VAC14: variants seen among roughly 807,000 people sequenced by gnomAD.
VAC14 encodes the protein VAC14 component of PIKFYVE complex.
In VAC14, 47 loss-of-function variants were observed where a neutral mutation model predicts 85.3. The observed-to-expected ratio is 0.55, with a 90% CI of 0.44 to 0.70. The LOEUF is 0.70. Ranked by LOEUF, VAC14 falls within the 30% of genes least tolerant of loss-of-function variation. VAC14 has a pLI of 0.00. For synonymous variants in VAC14, 447 were observed against 430.5 expected, an observed-to-expected ratio of 1.04 and a Z score of -0.47; for missense variants, 861 against 1,004.3, an observed-to-expected ratio of 0.86 and a Z score of 1.93.
chr16:70,741,112 A>G (rs1597916280), intron 13 of VAC14, among the ~76,000 whole-genome samples: 1 of 152,272 alleles, frequency 6.6e-6, no homozygotes, highest in East Asian at 1.9e-4. Flanking sequence ...ACAGGGACAC[A>G]GCACTGCTGC....
At chr16:70,688,184 C>A in intron 18 of VAC14, 94 bp from the exon 19 acceptor site, 1 of 1,366,454 alleles carries the variant, frequency 7.3e-7, no homozygotes, top group African/African-American at 1.5e-5. Context: ...GAGCCACAGG[C>A]TGGTGGGCTC....
chr16:70,701,716 C>T (rs1001452860), intron 14 of VAC14, among the ~76,000 whole-genome samples: 11 of 152,220 alleles, frequency 7.2e-5, no homozygotes, highest in South Asian at 2.1e-4. Flanking sequence ...TAGCGGCTTC[C>T]GCCTGGATCT....
intron 14 of VAC14, among the ~76,000 whole-genome samples, chr16:70,705,306 G>T (rs539632648): frequency 6.6e-6 from 1 of 152,230 alleles, no homozygotes. Context: ...GGTGTTTTGG[G>T]TGAGTGTTCA....
intron 12 of VAC14, among the ~76,000 whole-genome samples, chr16:70,750,248 G>T (rs77758572): frequency 6.6e-6 from 1 of 152,210 alleles, no homozygotes; most frequent in Non-Finnish European, 1.5e-5. Context: ...TGGCTCTGAC[G>T]ATGAGAAAAG....
intron 13 of VAC14, among the ~76,000 whole-genome samples, chr16:70,738,213 T>G (rs1294537716): frequency 6.6e-6 from 1 of 151,842 alleles, no homozygotes; most frequent in African/African-American, 2.4e-5. Flanking sequence ...AAAGGGAGGC[T>G]GAGCAGGGTC....
intron 14 of VAC14, among the ~76,000 whole-genome samples, chr16:70,727,710 C>T (rs984826738): frequency 6.6e-6 from 1 of 152,220 alleles, no homozygotes; most frequent in East Asian, 1.9e-4. Flanking sequence ...CAGGTGGATA[C>T]CCCCCTCCAC....
In VAC14 at chr16:70,689,643, C is replaced by T. The variant is rs1051593266; in HGVS notation, c.2187-1553G>A. ...ATGCACCACCAGAAAACATCTTGGA[C>T]ATGTCTACGGCTGCGGCTGCTGCTT... On this transcript the variant is annotated intron_variant, in intron 18 of 18. Transcript: ENST00000261776. 34 of 985,598 alleles carry T rather than the reference C, an allele frequency of 3.4e-5. No homozygotes were observed. In the Middle Eastern group the frequency reaches 2.6e-3, roughly 75 times the overall value. 61.1% of individuals were successfully genotyped at this position (985,598 alleles called of 1,614,324 possible).
chr16:70,698,314 CCT>C (rs2053754663), intron 15 of VAC14, among the ~76,000 whole-genome samples: 2 of 152,294 alleles, frequency 1.3e-5, no homozygotes, highest in African/African-American at 2.4e-5. Context: ...GCCAGCAGAG[CCT>C]CTGTTTTCAA....
intron 13 of VAC14, among the ~76,000 whole-genome samples, chr16:70,742,089 G>C (rs2030377600): frequency 1.3e-5 from 2 of 152,344 alleles, no homozygotes; most frequent in South Asian, 4.1e-4. Flanking sequence ...ATAAAACATA[G>C]GGAAGACAGG....
intron 13 of VAC14, among the ~76,000 whole-genome samples, chr16:70,736,995 C>T (rs1012317556): frequency 1.3e-5 from 2 of 152,184 alleles, no homozygotes; most frequent in South Asian, 2.1e-4. Context: ...TGGCCCCCAT[C>T]GCCCCCAGCC....
intron 12 of VAC14, among the ~76,000 whole-genome samples, chr16:70,754,575 G>A (rs568251911): frequency 6.6e-6 from 1 of 152,260 alleles, no homozygotes; most frequent in Non-Finnish European, 1.5e-5. Context: ...GGGGAGAGGG[G>A]ACAGAGGGCA....
intron 16 of VAC14, chr16:70,696,813 G>C: frequency 6.6e-6 from 2 of 305,074 alleles, no homozygotes; most frequent in Non-Finnish European, 1.3e-5. Context: ...AGGAGCTGGG[G>C]TTCTCTCCCA....
At chr16:70,735,883 A>G (rs759215164) in intron 13 of VAC14, among the ~76,000 whole-genome samples, 15 of 152,262 alleles carry the variant, frequency 9.9e-5, no homozygotes, top group Non-Finnish European at 2.2e-4. Context: ...CTGTTTGCAG[A>G]ATCAAGTGTC....
chr16:70,761,490 C>G (rs1338700371), intron 12 of VAC14, among the ~76,000 whole-genome samples: 1 of 152,210 alleles, frequency 6.6e-6, no homozygotes, highest in African/African-American at 2.4e-5. Flanking sequence ...TGCTGCCGTG[C>G]AATGGGCACG....
chr16:70,697,084 G>A (rs574910766), intron 16 of VAC14, 55 bp downstream of exon 16: 289 of 1,450,966 alleles, frequency 2.0e-4, no homozygotes, highest in Admixed American at 3.6e-4. Context: ...GGGGGCAGCC[G>A]GCCCCTTCCT....
chr16:70,687,744 G>T lies in VAC14; in HGVS notation c.*184C>A. The T allele has an allele frequency of 1.8e-6, 1 of 569,822 alleles. No homozygotes were observed. Among genetic ancestry groups the T allele is most frequent in the Non-Finnish European group, 2.6e-6 (1 of 378,664 alleles). 35.3% of individuals were successfully genotyped at this position (569,822 alleles called of 1,614,324 possible). ...CCAGGGTGCAGCTGACAGCGCTGGAGGCCTGGGGACTGGACTCTGAGAGGA... is the reference window on the plus strand; with the variant it reads ...CCAGGGTGCAGCTGACAGCGCTGGATGCCTGGGGACTGGACTCTGAGAGGA... On this transcript the variant is annotated 3_prime_UTR_variant, in exon 19 of 19. Coordinates refer to ENST00000261776, the MANE Select transcript of VAC14 (RefSeq NM_018052.5).
intron 14 of VAC14, among the ~76,000 whole-genome samples, chr16:70,712,565 G>A (rs1370370924): frequency 6.6e-6 from 1 of 152,194 alleles, no homozygotes; most frequent in East Asian, 1.9e-4. Context: ...AGACAGTGAA[G>A]GCGGTGGACC....
rs2053688911 is a variant in VAC14, at chr16:70,695,563, A to G, written c.2016T>C (p.Ile672=). 6 of 1,613,966 alleles carry G rather than the reference A, an allele frequency of 3.7e-6. 1 individual carries two copies. In the Middle Eastern group the frequency reaches 6.6e-4, roughly 178 times the overall value. The change falls in exon 17 of 19, where the codon ATT becomes ATC. Residue 672 remains isoleucine (I), a synonymous_variant. Transcript: ENST00000261776. Reference sequence around the variant, plus strand: ...TCTTACATGTGAAGATGGGGCACTCAATCAGCTGCACCAGCTTGTCCACCT... The same window carrying G: ...TCTTACATGTGAAGATGGGGCACTCGATCAGCTGCACCAGCTTGTCCACCT... ...LAEVDKLVQL[I]ECPIFTYLRL...
chr16:70,713,807 G>C (rs1053638294), intron 14 of VAC14, among the ~76,000 whole-genome samples: 5 of 151,100 alleles, frequency 3.3e-5, no homozygotes, highest in African/African-American at 1.2e-4. Context: ...GCCTACTAAA[G>C]TGCTGGGATT....
Sources: allele counts gnomAD v4.1 joint callset (sites outside exome capture counted in the v4.1 genomes callset), GRCh38; gene constraint gnomAD v4.1.1; transcripts MANE v1.5; gene names NCBI Gene and HGNC (gene_info 2026-07-23, HGNC 2026-07-21).